Variants in PCCB observed in about 807,000 individuals in gnomAD.
PCCB encodes the protein propionyl-CoA carboxylase subunit beta.
Under a neutral mutation model 60.7 loss-of-function variants are expected in PCCB, and 43 were observed. The observed-to-expected ratio is 0.71, with a 90% CI of 0.55 to 0.91. The LOEUF (loss-of-function observed/expected upper bound fraction) is 0.91. PCCB is among the 40% of genes least tolerant of loss of function. The probability of loss-of-function intolerance (pLI) is 0.00; values close to 1 mark genes in which losing one functional copy is unlikely to be tolerated. For missense variants in PCCB, 766 were observed against 702.8 expected (o/e 1.09, Z -1.02); for synonymous variants, 276 against 255.9 (o/e 1.08, Z -0.75).
chr3:136,267,165 G>A (rs1182903849), intron 5 of PCCB, among the ~76,000 whole-genome samples: 4 of 152,108 alleles, frequency 2.6e-5, no homozygotes, highest in African/African-American at 9.7e-5. Flanking sequence ...GGTTACAGGC[G>A]TGAGCCAGCA....
chr3:136,327,495 C>G, intron 12 of PCCB, 139 bp from the exon 13 acceptor site: 3 of 761,084 alleles, frequency 3.9e-6, no homozygotes, highest in Admixed American at 4.0e-5. Flanking sequence ...TTTGAAAGGT[C>G]TTACAGACCG....
chr3:136,318,005 C>T (rs1255047798), intron 10 of PCCB, among the ~76,000 whole-genome samples: 1 of 152,166 alleles, frequency 6.6e-6, no homozygotes, highest in Non-Finnish European at 1.5e-5. Context: ...ATGACCTAAC[C>T]TCATCTTATT....
chr3:136,280,753 T>C (rs1398917222), intron 5 of PCCB, among the ~76,000 whole-genome samples: 3 of 152,190 alleles, frequency 2.0e-5, no homozygotes, highest in Non-Finnish European at 4.4e-5. Flanking sequence ...ATTGACCTTA[T>C]AGGATCAAGC....
chr3:136,295,734 G>C (rs1235042101), intron 7 of PCCB, among the ~76,000 whole-genome samples: 1 of 152,082 alleles, frequency 6.6e-6, no homozygotes, highest in African/African-American at 2.4e-5. Context: ...AATCACTAGT[G>C]ATTTTTTGGT....
chr3:136,314,449 G>A (rs2108223604), intron 9 of PCCB, among the ~76,000 whole-genome samples: 1 of 152,246 alleles, frequency 6.6e-6, no homozygotes, highest in Admixed American at 6.5e-5. Context: ...GAGCTTCGGA[G>A]TTTGAGCCCA....
chr3:136,254,632 A>C (rs891734036), intron 1 of PCCB, among the ~76,000 whole-genome samples: 4 of 145,062 alleles, frequency 2.8e-5, no homozygotes, highest in African/African-American at 1.0e-4. Flanking sequence ...TCCCAGGTTC[A>C]AGTGATTCTC....
intron 1 of PCCB, chr3:136,255,611 G>A (rs1348943488): frequency 1.1e-5 from 6 of 528,128 alleles, no homozygotes; most frequent in Admixed American, 3.1e-5. Context: ...CCTTTTCCTC[G>A]TCCTATTTCC....
At chr3:136,289,957 A>G (rs1445223358) in intron 6 of PCCB, among the ~76,000 whole-genome samples, 1 of 152,112 alleles carries the variant, frequency 6.6e-6, no homozygotes, top group Admixed American at 6.5e-5. Context: ...TATATATAAA[A>G]TATGTGTACA....
intron 1 of PCCB, chr3:136,255,268 T>G (rs1332558342): frequency 4.3e-5 from 7 of 162,618 alleles, no homozygotes; most frequent in Admixed American, 4.1e-4. Flanking sequence ...TGGGGTCATC[T>G]CTGTGTCACA....
intron 5 of PCCB, among the ~76,000 whole-genome samples, chr3:136,268,049 AGTGTGTGT>A (rs1181482923): frequency 7.1e-5 from 6 of 83,946 alleles, no homozygotes; most frequent in African/African-American, 2.5e-4. Flanking sequence ...AAACCTGGCT[AGTGTGTGT>A]GTGTGTGCGT....
At chr3:136,253,626 C>T (rs1251021861) in intron 1 of PCCB, among the ~76,000 whole-genome samples, 1 of 151,316 alleles carries the variant, frequency 6.6e-6, no homozygotes, top group Non-Finnish European at 1.5e-5. Flanking sequence ...CTCAGGTGAT[C>T]CTCCCATCTC....
chr3:136,255,683 A>G, intron 1 of PCCB, 173 bp from the exon 2 acceptor site: 1 of 664,790 alleles, frequency 1.5e-6, no homozygotes, highest in Non-Finnish European at 2.7e-6. Context: ...TTTCCATGTC[A>G]TCTAAAGTCT....
intron 3 of PCCB, 91 bp downstream of exon 3, chr3:136,256,714 C>G: frequency 1.1e-6 from 1 of 914,348 alleles, no homozygotes; most frequent in Non-Finnish European, 1.8e-6. Context: ...GGAATGAAAA[C>G]TTGCTTGTAG....
chr3:136,324,820 T>G (rs771471932), intron 10 of PCCB, among the ~76,000 whole-genome samples: 7 of 152,202 alleles, frequency 4.6e-5, no homozygotes, highest in Non-Finnish European at 1.0e-4. Flanking sequence ...GTGAATGAGG[T>G]CTGCTCTGCT....
At chr3:136,300,377 G>A (rs1934220218) in intron 8 of PCCB, among the ~76,000 whole-genome samples, 2 of 152,208 alleles carry the variant, frequency 1.3e-5, no homozygotes, top group Admixed American at 6.5e-5. Context: ...GGGAATGAAA[G>A]CCTATTGGAG....
intron 14 of PCCB, 74 bp from the exon 15 acceptor site, chr3:136,329,831 G>A (rs1277150380): frequency 6.4e-7 from 1 of 1,562,266 alleles, no homozygotes; most frequent in African/African-American, 1.4e-5. Context: ...ATGGTGCCCA[G>A]GCTGAGCAGA....
rs1369157492 is a variant in PCCB, at chr3:136,304,607, G to T, written c.966+3496G>T. ...TCACCGTGTTAGCCAGGATAGTCTCGATCTCCCGACCTCGTGATCTGCCCG... is the reference window on the plus strand; with the variant it reads ...TCACCGTGTTAGCCAGGATAGTCTCTATCTCCCGACCTCGTGATCTGCCCG... On this transcript the variant is annotated intron_variant, in intron 9 of 14. Coordinates refer to ENST00000251654, the MANE Select transcript of PCCB (RefSeq NM_000532.5). Among the ~76,000 whole-genome samples, 4 of 118,978 alleles carry T rather than the reference G, an allele frequency of 3.4e-5. 1 individual carries two copies. The highest frequency in any genetic ancestry group is 1.0e-4 in the African/African-American group (4 of 39,368). The allele number at this position is 118,978 out of a possible 152,430, so 78.1% of individuals were successfully genotyped here.
chr3:136,274,896 T>C (rs1263062795), intron 5 of PCCB, among the ~76,000 whole-genome samples: 11 of 151,834 alleles, frequency 7.2e-5, no homozygotes, highest in African/African-American at 2.7e-4. Context: ...TTGTGACCTT[T>C]GTCTCCTGGG....
At chr3:136,277,232 C>A (rs1576321506) in intron 5 of PCCB, among the ~76,000 whole-genome samples, 1 of 152,200 alleles carries the variant, frequency 6.6e-6, no homozygotes, top group African/African-American at 2.4e-5. Flanking sequence ...GATGCAGGAC[C>A]TCCTGGTTAG....
Sources: gnomAD v4.1 joint callset for allele counts (sites outside exome capture counted in the v4.1 genomes callset) on GRCh38, gnomAD v4.1.1 for gene constraint, MANE v1.5 for transcripts, NCBI Gene and HGNC (gene_info 2026-07-23, HGNC 2026-07-21) for gene names.